MAGI2: variants seen among roughly 807,000 people sequenced by gnomAD.
MAGI2 encodes membrane associated guanylate kinase, WW and PDZ domain containing 2.
MAGI2 carries 35 observed loss-of-function variants against 133.3 expected under a neutral mutation model. The ratio of observed to expected loss-of-function variants is 0.26; its 90% CI spans 0.20 to 0.35. MAGI2 has a LOEUF of 0.35. Ranked by LOEUF, MAGI2 falls within the 10% of genes least tolerant of loss-of-function variation. MAGI2 has a pLI of 1.00. For synonymous variants in MAGI2, 729 were observed against 710.6 expected, an observed-to-expected ratio of 1.03 and a Z score of -0.41; for missense variants, 1,636 against 1,863.4, an observed-to-expected ratio of 0.88 and a Z score of 2.25.
intron 1 of MAGI2, among the ~76,000 whole-genome samples, chr7:79,028,235 GTATATATATATATATATATA>G (rs1174096501): frequency 6.8e-5 from 2 of 29,334 alleles, no homozygotes; most frequent in Admixed American, 4.2e-4. Context: ...ATATATGTAT[GTATATATATATATATATATA>G]TATATATATA....
At chr7:78,976,377 C>T (rs1804250476) in intron 2 of MAGI2, among the ~76,000 whole-genome samples, 1 of 151,378 alleles carries the variant, frequency 6.6e-6, no homozygotes, top group Non-Finnish European at 1.5e-5. Flanking sequence ...AATACAACAT[C>T]TATTCATGAC....
chr7:78,390,817 T>G (rs1369796141), intron 6 of MAGI2, among the ~76,000 whole-genome samples: 1 of 152,200 alleles, frequency 6.6e-6, no homozygotes, highest in Non-Finnish European at 1.5e-5. Context: ...AGCTGTAATT[T>G]ATATAAGTTA....
intron 2 of MAGI2, among the ~76,000 whole-genome samples, chr7:78,989,059 T>C (rs759820232): frequency 2.6e-5 from 4 of 152,084 alleles, no homozygotes; most frequent in Admixed American, 6.6e-5. Flanking sequence ...AGAATAAGTA[T>C]GCATGGACAT....
At chr7:78,462,702 T>C (rs989410180) in intron 6 of MAGI2, among the ~76,000 whole-genome samples, 2 of 152,238 alleles carry the variant, frequency 1.3e-5, no homozygotes, top group African/African-American at 4.8e-5. Context: ...GAATGATTAA[T>C]ATTTTCCCAA....
chr7:78,961,272 C>T (rs994704462), intron 2 of MAGI2, among the ~76,000 whole-genome samples: 1 of 151,976 alleles, frequency 6.6e-6, no homozygotes, highest in Non-Finnish European at 1.5e-5. Flanking sequence ...CTTCAGATGC[C>T]AAATTGGGCT....
chr7:78,350,918 G>C lies in MAGI2; in HGVS notation c.1104-4875C>G, dbSNP rs112000509. On this transcript the variant is annotated intron_variant, in intron 7 of 21. Coordinates refer to ENST00000354212, the MANE Select transcript of MAGI2 (RefSeq NM_012301.4). ...CTTCTCCTGGGGTTTTTGGAGACAG[G>C]CTCTTTTAGTGCATAGTCGTGGATG... 3.6e-3 allele frequency among the ~76,000 whole-genome samples: 555 copies of C among 152,266 alleles called. 6 individuals are homozygous for C. Among genetic ancestry groups the C allele is most frequent in the African/African-American group, 0.012 (496 of 41,552 alleles).
At chr7:78,953,390 C>T (rs1358658230) in intron 2 of MAGI2, among the ~76,000 whole-genome samples, 4 of 151,974 alleles carry the variant, frequency 2.6e-5, no homozygotes, top group Non-Finnish European at 5.9e-5. Context: ...GAATGGATAG[C>T]TTCTGCCACA....
chr7:79,051,157 C>G (rs1192973249), intron 1 of MAGI2, among the ~76,000 whole-genome samples: 1 of 152,146 alleles, frequency 6.6e-6, no homozygotes. Flanking sequence ...TATTGAGATA[C>G]CTGGTCATAG....
intron 2 of MAGI2, among the ~76,000 whole-genome samples, chr7:78,632,710 CACAG>C (rs1809149488): frequency 6.6e-6 from 1 of 152,172 alleles, no homozygotes; most frequent in Admixed American, 6.5e-5. Context: ...TGTGCATATA[CACAG>C]ACACTTACAT....
At chr7:78,797,135 T>C (rs1209563026) in intron 2 of MAGI2, among the ~76,000 whole-genome samples, 1 of 152,132 alleles carries the variant, frequency 6.6e-6, no homozygotes, top group African/African-American at 2.4e-5. Context: ...AGAAGAATTG[T>C]AATGTTCCCA....
chr7:78,695,565 A>C (rs1319516870), intron 2 of MAGI2, among the ~76,000 whole-genome samples: 2 of 152,174 alleles, frequency 1.3e-5, no homozygotes, highest in African/African-American at 4.8e-5. Flanking sequence ...GTTTCTAGAC[A>C]TTTCACCACT....
chr7:78,077,723 A>ATTTT (rs1300577440), intron 21 of MAGI2, among the ~76,000 whole-genome samples: 13 of 95,996 alleles, frequency 1.4e-4, no homozygotes, highest in South Asian at 1.0e-3. Context: ...ACTCTTTAGA[A>ATTTT]TGTTTTTTTT....
intron 14 of MAGI2, among the ~76,000 whole-genome samples, chr7:78,174,315 G>C (rs1352729798): frequency 2.6e-5 from 4 of 152,138 alleles, no homozygotes; most frequent in African/African-American, 4.8e-5. Flanking sequence ...AACAAACAGA[G>C]AGCTCATCTT....
At chr7:79,391,440 A>G (rs1412296286) in intron 1 of MAGI2, among the ~76,000 whole-genome samples, 3 of 148,930 alleles carry the variant, frequency 2.0e-5, no homozygotes, top group Non-Finnish European at 4.5e-5. Context: ...CTGTTAAAGA[A>G]ACGGTTAAAA....
chr7:79,011,930 TTTC>T (rs1430605453), intron 1 of MAGI2, among the ~76,000 whole-genome samples: 1 of 60,800 alleles, frequency 1.6e-5, no homozygotes, highest in Non-Finnish European at 3.9e-5. Flanking sequence ...CCTTCCTTTC[TTTC>T]TTTCTTTCTT....
chr7:79,018,961 T>C (rs2116667356), intron 1 of MAGI2, among the ~76,000 whole-genome samples: 1 of 152,300 alleles, frequency 6.6e-6, no homozygotes, highest in Non-Finnish European at 1.5e-5. Flanking sequence ...AACACTCCAC[T>C]GAGAGTATTA....
intron 10 of MAGI2, among the ~76,000 whole-genome samples, chr7:78,245,542 A>G (rs924787141): frequency 6.6e-6 from 1 of 152,216 alleles, no homozygotes; most frequent in African/African-American, 2.4e-5. Context: ...GTGCACATCA[A>G]AGGAGTGGCA....
chr7:78,271,824 C>T (rs1313441688), intron 9 of MAGI2, among the ~76,000 whole-genome samples: 1 of 151,894 alleles, frequency 6.6e-6, no homozygotes, highest in African/African-American at 2.4e-5. Context: ...TTTATTGAGT[C>T]TATTTGATTC....
intron 1 of MAGI2, among the ~76,000 whole-genome samples, chr7:79,206,042 C>T (rs766638820): frequency 6.6e-6 from 1 of 150,758 alleles, no homozygotes; most frequent in African/African-American, 2.4e-5. Flanking sequence ...AAAATGGAAA[C>T]ACAACATACC....
Sources: allele counts gnomAD v4.1 joint callset (sites outside exome capture counted in the v4.1 genomes callset), GRCh38; gene constraint gnomAD v4.1.1; transcripts MANE v1.5; gene names NCBI Gene and HGNC (gene_info 2026-07-23, HGNC 2026-07-21).